COG5: variants seen among roughly 807,000 people sequenced by gnomAD.
The protein encoded by COG5 is component of oligomeric golgi complex 5, also known as conserved oligomeric Golgi complex subunit 5.
COG5 carries 86 observed loss-of-function variants against 110.4 expected under a neutral mutation model. That is an observed-to-expected ratio of 0.78 (90% confidence interval 0.65 to 0.93). The LOEUF is 0.93. Ranked by LOEUF, COG5 falls within the 40% of genes least tolerant of loss-of-function variation. The pLI is 0.00. For synonymous variants in COG5, 360 were observed against 334.6 expected, an observed-to-expected ratio of 1.08 and a Z score of -0.83; for missense variants, 1,077 against 987.0, an observed-to-expected ratio of 1.09 and a Z score of -1.22.
intron 7 of COG5, among the ~76,000 whole-genome samples, chr7:107,387,737 G>C (rs1790314333): frequency 6.6e-6 from 1 of 152,122 alleles, no homozygotes; most frequent in African/African-American, 2.4e-5. Flanking sequence ...ACTCGATCTG[G>C]GTTTACTAGC....
At chr7:107,210,124 C>T (rs1405336001) in intron 21 of COG5, 53 of 1,064,006 alleles carry the variant, frequency 5.0e-5, no homozygotes, top group East Asian at 1.4e-4. Flanking sequence ...AGAACTGTTT[C>T]GCACTTGGGT....
chr7:107,297,444 T>C (rs75442397), intron 12 of COG5, among the ~76,000 whole-genome samples: 3 of 32,630 alleles, frequency 9.2e-5, no homozygotes, highest in African/African-American at 7.6e-4. Flanking sequence ...ACATTCTGCC[T>C]TTTTTTTTTT....
intron 6 of COG5, among the ~76,000 whole-genome samples, chr7:107,516,941 C>T (rs547854904): frequency 4.6e-5 from 7 of 152,250 alleles, no homozygotes; most frequent in South Asian, 2.1e-4. Context: ...AACCAGAATG[C>T]GTCTTCTCCT....
Position 107,202,548 on chromosome 7 carries a change from T to C in COG5, c.*968A>G, listed in dbSNP as rs943854487. 32 of 152,708 alleles carry C rather than the reference T, an allele frequency of 2.1e-4. No individual in the cohort carries two copies. The highest frequency in any genetic ancestry group is 6.7e-4 in the African/African-American group (28 of 41,560). The allele number at this position is 152,708 out of a possible 1,614,324, so 9.5% of individuals were successfully genotyped here. A position where few individuals can be genotyped will look rare whatever the true frequency, so the allele number is the denominator to read the frequency against. On this transcript the variant is annotated 3_prime_UTR_variant, in exon 22 of 22. Coordinates refer to ENST00000297135, the MANE Select transcript of COG5 (RefSeq NM_006348.5). ...TCTCTGACGTCTACTGATTGATTGA[T>C]TGATTGATTAATCTTGGCTGAATTT...
chr7:107,435,962 T>C (rs1314227988), intron 6 of COG5, among the ~76,000 whole-genome samples: 2 of 152,110 alleles, frequency 1.3e-5, no homozygotes, highest in Non-Finnish European at 1.5e-5. Flanking sequence ...TATTCTGCCA[T>C]AAAAAAGAAT....
intron 5 of COG5, among the ~76,000 whole-genome samples, chr7:107,530,601 C>CAAAAAAAA (rs953588412): frequency 8.4e-5 from 4 of 47,762 alleles, no homozygotes; most frequent in Admixed American, 2.5e-4. Flanking sequence ...AACTCCATCT[C>CAAAAAAAA]AAAAAAAAAA....
At chr7:107,418,624 T>C (rs1200281399) in intron 6 of COG5, among the ~76,000 whole-genome samples, 1 of 148,062 alleles carries the variant, frequency 6.8e-6, no homozygotes, top group African/African-American at 2.5e-5. Flanking sequence ...TTTTTTTTTT[T>C]TTTTAAGTTT....
intron 1 of COG5, 76 bp from the exon 2 acceptor site, chr7:107,558,191 T>C: frequency 1.4e-6 from 2 of 1,434,894 alleles, no homozygotes; most frequent in Non-Finnish European, 1.9e-6. Context: ...AGAACAATTA[T>C]AATCATAATT....
At position 107,517,684 on chromosome 7, in the gene COG5, G is replaced by A. The variant is rs1584923841; in HGVS notation, c.538+9553C>T. ...CTCTACAAGCCAGAAGAGAGTGGGGGCCAACATTCAACATTCCTTTTTTTT... is the reference window on the plus strand; with the variant it reads ...CTCTACAAGCCAGAAGAGAGTGGGGACCAACATTCAACATTCCTTTTTTTT... On this transcript the variant is annotated intron_variant, in intron 6 of 21. Coordinates refer to ENST00000297135, the MANE Select transcript of COG5 (RefSeq NM_006348.5). 2.0e-5 allele frequency among the ~76,000 whole-genome samples: 3 copies of A among 151,638 alleles called. No homozygotes were observed. In the East Asian group the frequency reaches 5.8e-4, roughly 29 times the overall value.
intron 14 of COG5, among the ~76,000 whole-genome samples, chr7:107,279,380 C>T (rs1804983085): frequency 6.6e-6 from 1 of 152,034 alleles, no homozygotes; most frequent in Non-Finnish European, 1.5e-5. Context: ...GTTTTCATAC[C>T]AAATCTCAAG....
intron 21 of COG5, among the ~76,000 whole-genome samples, chr7:107,206,106 G>A (rs568865917): frequency 3.9e-5 from 6 of 151,956 alleles, no homozygotes; most frequent in Non-Finnish European, 7.4e-5. Context: ...GACTACAGGC[G>A]CCCGCCATTG....
chr7:107,483,890 AT>A (rs11392797), intron 6 of COG5, among the ~76,000 whole-genome samples: 1 of 147,838 alleles, frequency 6.8e-6, no homozygotes. Flanking sequence ...ATGGTTATAC[AT>A]TTTTTTTTTT....
intron 1 of COG5, among the ~76,000 whole-genome samples, chr7:107,561,765 A>T (rs1180013953): frequency 6.6e-6 from 1 of 152,222 alleles, no homozygotes; most frequent in Non-Finnish European, 1.5e-5. Flanking sequence ...TCACGAGGTC[A>T]GGAGATCGAG....
intron 5 of COG5, among the ~76,000 whole-genome samples, chr7:107,540,441 G>A (rs1191421364): frequency 1.3e-5 from 2 of 151,652 alleles, no homozygotes; most frequent in African/African-American, 4.8e-5. Context: ...AGCTGGGCAT[G>A]GTAGTGTGTG....
intron 6 of COG5, chr7:107,472,590 T>G (rs555694697): frequency 6.6e-6 from 1 of 152,098 alleles, no homozygotes; most frequent in African/African-American, 2.4e-5. Flanking sequence ...TTGGCACACT[T>G]AAAATTTTCC....
intron 19 of COG5, among the ~76,000 whole-genome samples, chr7:107,211,937 T>C (rs989218375): frequency 2.6e-5 from 4 of 152,188 alleles, no homozygotes; most frequent in African/African-American, 7.2e-5. Context: ...GCTGTGGACA[T>C]TGAATCCCAA....
intron 6 of COG5, among the ~76,000 whole-genome samples, chr7:107,492,096 C>G (rs531500283): frequency 1.3e-5 from 2 of 151,718 alleles, no homozygotes; most frequent in African/African-American, 4.8e-5. Flanking sequence ...AATAAAACGT[C>G]TTACAATTCT....
At chr7:107,220,381 A>G (rs1030896161) in intron 19 of COG5, among the ~76,000 whole-genome samples, 1 of 152,220 alleles carries the variant, frequency 6.6e-6, no homozygotes, top group African/African-American at 2.4e-5. Flanking sequence ...CTTGAAGCAT[A>G]TAATCACAAT....
At chr7:107,312,906 A>C (rs978439682) in intron 11 of COG5, among the ~76,000 whole-genome samples, 1 of 152,188 alleles carries the variant, frequency 6.6e-6, no homozygotes, top group Non-Finnish European at 1.5e-5. Flanking sequence ...GAAAAATTAG[A>C]AACTGAAGGA....
Sources: gnomAD v4.1 joint callset for allele counts (sites outside exome capture counted in the v4.1 genomes callset) on GRCh38, gnomAD v4.1.1 for gene constraint, MANE v1.5 for transcripts, NCBI Gene and HGNC (gene_info 2026-07-23, HGNC 2026-07-21) for gene names.